The following PKD2L2 variants were observed in gnomAD, a reference collection of about 807,000 sequenced individuals.
PKD2L2 encodes polycystin-2-like protein 2.
A neutral mutation model predicts 83.9 loss-of-function variants in PKD2L2; 67 were observed. The ratio of observed to expected loss-of-function variants is 0.80; its 90% CI spans 0.66 to 0.98. PKD2L2 has a LOEUF of 0.98. Among genes scored for constraint, PKD2L2 ranks in the 50% least tolerant of loss-of-function variants. PKD2L2 has a pLI of 0.00. For missense variants in PKD2L2, 632 were observed against 717.2 expected (o/e 0.88, Z 1.36); for synonymous variants, 223 against 237.8 (o/e 0.94, Z 0.57).
intron 12 of PKD2L2, among the ~76,000 whole-genome samples, chr5:137,927,511 G>A (rs532807458): frequency 1.1e-4 from 16 of 152,262 alleles, no homozygotes; most frequent in Admixed American, 5.2e-4. Context: ...TCCTATAAAG[G>A]CATCATTGGG....
chr5:137,922,955 T>C (rs1237952300), intron 9 of PKD2L2, among the ~76,000 whole-genome samples: 4 of 152,146 alleles, frequency 2.6e-5, no homozygotes, highest in African/African-American at 9.7e-5. Flanking sequence ...TTTTTGAGCA[T>C]ATGGGTTATA....
In PKD2L2 at chr5:137,899,705, T is replaced by C. The variant is rs2150009355; in HGVS notation, c.714T>C (p.Tyr238=). Residue 238 remains tyrosine (Y), a synonymous_variant, in exon 5 of 15, where the codon TAT becomes TAC. Coordinates refer to ENST00000508883, the MANE Select transcript of PKD2L2 (RefSeq NM_001300921.2). ...TTATTTTTATTGATTTTTCCTTATA[T>C]AATGCTAATGTAAATCTATTTTGTA... is the stretch of plus-strand genomic sequence containing the variant. ...TRVIFIDFSL[Y]NANVNLFCII... 1 of 1,607,674 alleles carries C rather than the reference T, an allele frequency of 6.2e-7. No individual in the cohort carries two copies. The highest frequency in any genetic ancestry group is 2.2e-5 in the East Asian group (1 of 44,838).
chr5:137,941,898 TGAGTTA>T lies in PKD2L2; in HGVS notation c.*18-482_*18-477del. On this transcript the variant is annotated intron_variant, in intron 14 of 14. Coordinates refer to ENST00000508883, the MANE Select transcript of PKD2L2 (RefSeq NM_001300921.2). ...ATTATTTCAACATATGGTCAGTTTG[TGAGTTA>T]GAGAAGAAAGATGACTCAATTTTGT... is the stretch of plus-strand genomic sequence containing the variant. 2.1e-6 allele frequency: 3 copies of T among 1,439,450 alleles called. No homozygotes were observed. In the South Asian group the frequency reaches 3.5e-5, roughly 17 times the overall value. The allele number at this position is 1,439,450 out of a possible 1,614,324, so 89.2% of individuals were successfully genotyped here. A position where few individuals can be genotyped will look rare whatever the true frequency, so the allele number is the denominator to read the frequency against.
At position 137,895,853 on chromosome 5, in the gene PKD2L2, G is replaced by A. The variant is rs558372717; in HGVS notation, c.524+1244G>A. 2.3e-4 allele frequency among the ~76,000 whole-genome samples: 34 copies of A among 149,450 alleles called. 1 individual carries two copies. In the South Asian group the frequency reaches 6.8e-3, roughly 30 times the overall value. On this transcript the variant is annotated intron_variant, in intron 4 of 14. Transcript: ENST00000508883. ...AGATCATGCCACTGCGCTCTGGCCT[G>A]GACGGTAGTGTGAGACACAGTCTCA...
At chr5:137,892,761 AGT>A in intron 3 of PKD2L2, 148 bp downstream of exon 3, 2 of 685,342 alleles carry the variant, frequency 2.9e-6, no homozygotes, top group Non-Finnish European at 4.7e-6. Flanking sequence ...CCAACCAGTA[AGT>A]GTTTTTGAGA....
chr5:137,925,575 C>T (rs994611719), intron 11 of PKD2L2, among the ~76,000 whole-genome samples: 15 of 152,340 alleles, frequency 9.8e-5, no homozygotes, highest in African/African-American at 3.6e-4. Flanking sequence ...AACATTTACA[C>T]ACAATACTTA....
intron 8 of PKD2L2, among the ~76,000 whole-genome samples, chr5:137,910,923 A>C (rs1304275003): frequency 6.6e-6 from 1 of 152,198 alleles, no homozygotes; most frequent in Non-Finnish European, 1.5e-5. Context: ...TTTGCCCTGA[A>C]GGCATTTTAA....
Position 137,936,300 on chromosome 5 carries a change from C to T in PKD2L2, c.1785-20C>T. ...AAGTTTATTACTGACTCATTCTCTA[C>T]TTCCTTCGAAATTTTCTAGACTTTT... On this transcript the variant is annotated intron_variant, in intron 13 of 14. Transcript: ENST00000508883. 1 of 1,523,342 alleles carries T rather than the reference C, an allele frequency of 6.6e-7. No individual in the cohort carries two copies. Among genetic ancestry groups the T allele is most frequent in the African/African-American group, 1.4e-5 (1 of 72,932 alleles). 94.4% of individuals were successfully genotyped at this position (1,523,342 alleles called of 1,614,324 possible).
At chr5:137,917,446 G>A (rs374646552) in intron 8 of PKD2L2, among the ~76,000 whole-genome samples, 1 of 152,152 alleles carries the variant, frequency 6.6e-6, no homozygotes, top group African/African-American at 2.4e-5. Context: ...TTACAAGCGT[G>A]AGCCACCCAG....
chr5:137,920,629 C>T (rs570361482), intron 8 of PKD2L2, among the ~76,000 whole-genome samples: 9 of 151,952 alleles, frequency 5.9e-5, no homozygotes, highest in African/African-American at 2.2e-4. Context: ...TGGTGGCACA[C>T]GCCTGTAGTC....
At chr5:137,923,380 A>C in intron 9 of PKD2L2, 40 bp from the exon 10 acceptor site, 1 of 968,194 alleles carries the variant, frequency 1.0e-6, no homozygotes, top group Non-Finnish European at 1.6e-6. Context: ...CATTTAAACT[A>C]AATTTTTATT....
chr5:137,890,467 C>T lies in PKD2L2; in HGVS notation c.32-14C>T. On this transcript the variant is annotated splice_polypyrimidine_tract_variant and intron_variant, in intron 1 of 14. Coordinates refer to ENST00000508883, the MANE Select transcript of PKD2L2 (RefSeq NM_001300921.2). ...ATAATAATGTAAAGAAAAATTTTGTCTTATATCTCACAGGGGCTTCGAAAC... is the reference window on the plus strand; with the variant it reads ...ATAATAATGTAAAGAAAAATTTTGTTTTATATCTCACAGGGGCTTCGAAAC... 1.4e-6 allele frequency: 2 copies of T among 1,466,974 alleles called. No individual in the cohort carries two copies. Among genetic ancestry groups the T allele is most frequent in the South Asian group, 1.3e-5 (1 of 78,978 alleles). The allele number at this position is 1,466,974 out of a possible 1,614,324, so 90.9% of individuals were successfully genotyped here. A position where few individuals can be genotyped will look rare whatever the true frequency, so the allele number is the denominator to read the frequency against.
chr5:137,941,449 ATTACC>A (rs1169884913), intron 14 of PKD2L2, among the ~76,000 whole-genome samples: 12 of 152,172 alleles, frequency 7.9e-5, no homozygotes, highest in Admixed American at 7.9e-4. Flanking sequence ...TCAACTGTGC[ATTACC>A]TAGTTAGATA....
At chr5:137,906,581 T>C (rs1260484553) in intron 6 of PKD2L2, 147 bp downstream of exon 6, 3 of 530,508 alleles carry the variant, frequency 5.7e-6, no homozygotes, top group Non-Finnish European at 9.9e-6. Context: ...GGAATAGTAC[T>C]ACTAATGGGT....
chr5:137,925,080 C>T lies in PKD2L2; in HGVS notation c.1592C>T (p.Ala531Val). 3 of 1,604,590 alleles carry T rather than the reference C, an allele frequency of 1.9e-6. No individual in the cohort carries two copies. Among genetic ancestry groups the T allele is most frequent in the Non-Finnish European group, 2.6e-6 (3 of 1,171,786 alleles). ...CTCGAGAAATTCAGACTGAAGAAAG[C>T]TCAAAAAGATGAAGACAAGAAAACG... ...NVLEKFRLKKAQKDEDKKTKG... is the reference protein window; with the variant it reads ...NVLEKFRLKKVQKDEDKKTKG... The change falls in exon 11 of 15, where the codon GCT becomes GTT. Residue 531 changes from alanine (A) to valine (V), a missense_variant. By Grantham distance (64) the Ala-to-Val change is moderately conservative (BLOSUM62 0). Transcript: ENST00000508883.
intron 8 of PKD2L2, among the ~76,000 whole-genome samples, chr5:137,912,312 C>T (rs781647655): frequency 1.2e-4 from 18 of 152,166 alleles, no homozygotes; most frequent in Non-Finnish European, 2.5e-4. Context: ...TCCTTGATAA[C>T]ACTTGTTATC....
intron 8 of PKD2L2, among the ~76,000 whole-genome samples, chr5:137,915,607 G>C (rs1287114160): frequency 2.0e-5 from 3 of 152,000 alleles, no homozygotes; most frequent in African/African-American, 7.2e-5. Context: ...ATTTTTAGTA[G>C]ACGGGGTTTC....
intron 8 of PKD2L2, among the ~76,000 whole-genome samples, chr5:137,911,585 T>C (rs1757840727): frequency 6.6e-6 from 1 of 152,224 alleles, no homozygotes; most frequent in South Asian, 2.1e-4. Context: ...GTGTGATGTT[T>C]TGATACATGT....
At chr5:137,929,895 G>A (rs1452482548) in intron 12 of PKD2L2, among the ~76,000 whole-genome samples, 1 of 151,934 alleles carries the variant, frequency 6.6e-6, no homozygotes, top group South Asian at 2.1e-4. Context: ...AAGATATCAG[G>A]GGACACAACT....
Sources: gnomAD v4.1 joint callset for allele counts (sites outside exome capture counted in the v4.1 genomes callset) on GRCh38, gnomAD v4.1.1 for gene constraint, MANE v1.5 for transcripts, NCBI Gene and HGNC (gene_info 2026-07-23, HGNC 2026-07-21) for gene names.